WASF3: variants seen among roughly 807,000 people sequenced by gnomAD.
The protein encoded by WASF3 is WASP family member 3, also known as actin-binding protein WASF3.
In WASF3, 11 loss-of-function variants were observed where a neutral mutation model predicts 46.6. That is an observed-to-expected ratio of 0.24 (90% confidence interval 0.15 to 0.39). The LOEUF is 0.39. Ranked by LOEUF, WASF3 falls within the 10% of genes least tolerant of loss-of-function variation. The probability of loss-of-function intolerance (pLI) is 1.00; values close to 1 mark genes in which losing one functional copy is unlikely to be tolerated. For missense variants in WASF3, 576 were observed against 669.8 expected (o/e 0.86, Z 1.55); for synonymous variants, 242 against 259.7 (o/e 0.93, Z 0.65).
chr13:26,674,761 A>AAC (rs764451740), intron 6 of WASF3, among the ~76,000 whole-genome samples: 1 of 152,238 alleles, frequency 6.6e-6, no homozygotes, highest in Non-Finnish European at 1.5e-5. Context: ...TCTTCAGGAT[A>AAC]AATTTCTAGA....
chr13:26,570,168 A>G (rs983776615), intron 1 of WASF3, among the ~76,000 whole-genome samples: 3 of 152,106 alleles, frequency 2.0e-5, no homozygotes, highest in African/African-American at 7.2e-5. Context: ...GGCGCCTGTA[A>G]TTCCAGCTAC....
At chr13:26,675,220 T>C (rs1453307789) in intron 6 of WASF3, among the ~76,000 whole-genome samples, 1 of 152,178 alleles carries the variant, frequency 6.6e-6, no homozygotes, top group African/African-American at 2.4e-5. Context: ...TTTAATGGGT[T>C]CGCATTGCTG....
chr13:26,660,212 T>TGG (rs1882588214), intron 3 of WASF3, among the ~76,000 whole-genome samples: 3 of 131,168 alleles, frequency 2.3e-5, no homozygotes, highest in Non-Finnish European at 4.8e-5. Context: ...TTTTTTTTTT[T>TGG]TTTTTTTTTT....
At chr13:26,559,779 TTTC>T (rs1186485500) in intron 1 of WASF3, among the ~76,000 whole-genome samples, 1 of 133,548 alleles carries the variant, frequency 7.5e-6, no homozygotes, top group African/African-American at 2.7e-5. Context: ...TGAATCTCTT[TTTC>T]TTTTCTTTTC....
chr13:26,580,932 CT>C (rs5802385), intron 1 of WASF3, among the ~76,000 whole-genome samples: 131 of 136,656 alleles, frequency 9.6e-4, no homozygotes, highest in Admixed American at 1.0e-3. Flanking sequence ...GCATAAATTT[CT>C]TTTTTTTTTT....
Position 26,667,739 on chromosome 13 carries a change from C to A in WASF3, c.422+69C>A, listed in dbSNP as rs533722401. The stretch of plus-strand genomic sequence containing the variant: ...AGAGCTGGGCAGAGCTGGGAGCAAG[C>A]TGATGCATTGTGTGGGAATGTCCTT... On this transcript the variant is annotated intron_variant, in intron 5 of 9. Transcript: ENST00000335327. 1.5e-5 allele frequency: 22 copies of A among 1,473,042 alleles called. No homozygotes were observed. In the African/African-American group the frequency reaches 2.8e-4, roughly 19 times the overall value. The allele number at this position is 1,473,042 out of a possible 1,614,324, so 91.2% of individuals were successfully genotyped here.
intron 1 of WASF3, among the ~76,000 whole-genome samples, chr13:26,569,839 A>G (rs1879581542): frequency 6.6e-6 from 1 of 152,240 alleles, no homozygotes; most frequent in African/African-American, 2.4e-5. Context: ...GAAGGCACAG[A>G]TAACAATGTC....
chr13:26,586,379 A>G (rs1476867475), intron 1 of WASF3, among the ~76,000 whole-genome samples: 1 of 152,170 alleles, frequency 6.6e-6, no homozygotes, highest in Admixed American at 6.5e-5. Flanking sequence ...TTGTTATAAT[A>G]GCATTTAACC....
intron 1 of WASF3, among the ~76,000 whole-genome samples, chr13:26,595,958 T>G (rs939231458): frequency 2.6e-5 from 4 of 152,260 alleles, no homozygotes; most frequent in African/African-American, 9.6e-5. Context: ...TGGACATTTG[T>G]GTACAGGTTT....
intron 7 of WASF3, among the ~76,000 whole-genome samples, chr13:26,680,523 C>G (rs1446257751): frequency 6.6e-6 from 1 of 152,194 alleles, no homozygotes; most frequent in Non-Finnish European, 1.5e-5. Context: ...TAGTGCACCG[C>G]ATTGCTTTCT....
chr13:26,630,250 G>C (rs1051270103), intron 2 of WASF3, among the ~76,000 whole-genome samples: 4 of 152,044 alleles, frequency 2.6e-5, no homozygotes, highest in Non-Finnish European at 5.9e-5. Flanking sequence ...ATGTTGGTTT[G>C]CTGCACTCAC....
intron 2 of WASF3, among the ~76,000 whole-genome samples, chr13:26,634,311 CCT>C (rs1294333068): frequency 3.3e-5 from 5 of 152,112 alleles, no homozygotes; most frequent in African/African-American, 7.2e-5. Context: ...GATTGCAACC[CCT>C]GTTTTCTTTG....
intron 1 of WASF3, among the ~76,000 whole-genome samples, chr13:26,565,786 T>G (rs1197244798): frequency 6.6e-6 from 1 of 152,220 alleles, no homozygotes; most frequent in Non-Finnish European, 1.5e-5. Flanking sequence ...CAATTTAGAA[T>G]GGTTACAAAG....
chr13:26,565,982 G>A (rs1186169521), intron 1 of WASF3, among the ~76,000 whole-genome samples: 4 of 152,094 alleles, frequency 2.6e-5, no homozygotes, highest in Non-Finnish European at 5.9e-5. Context: ...TGAAATAATT[G>A]TGTAGGGATT....
intron 3 of WASF3, among the ~76,000 whole-genome samples, chr13:26,662,713 G>A (rs1043890638): frequency 6.6e-6 from 1 of 152,166 alleles, no homozygotes; most frequent in Non-Finnish European, 1.5e-5. Context: ...CACTACCTGG[G>A]TATGGGATCA....
chr13:26,675,650 CTGTG>C (rs35156420), intron 6 of WASF3, among the ~76,000 whole-genome samples: 2 of 146,972 alleles, frequency 1.4e-5, no homozygotes, highest in South Asian at 4.5e-4. Flanking sequence ...GATGCCATGT[CTGTG>C]TGTGTGTGTG....
chr13:26,642,869 T>C (rs933832453), intron 3 of WASF3, among the ~76,000 whole-genome samples: 1 of 152,156 alleles, frequency 6.6e-6, no homozygotes. Context: ...AAATGAACCA[T>C]AGTATAAAGC....
At chr13:26,652,258 GATAAA>G (rs1036826777) in intron 3 of WASF3, among the ~76,000 whole-genome samples, 2 of 152,158 alleles carry the variant, frequency 1.3e-5, no homozygotes, top group African/African-American at 4.8e-5. Context: ...GTGAATGTCA[GATAAA>G]ATAGAATATA....
chr13:26,676,787 AT>A (rs1314415503), intron 7 of WASF3, 63 bp downstream of exon 7: 2 of 1,488,654 alleles, frequency 1.3e-6, no homozygotes, highest in African/African-American at 2.8e-5. Flanking sequence ...ACCTGGTTTT[AT>A]TATCATTTGA....
Sources: gnomAD v4.1 joint callset for allele counts (sites outside exome capture counted in the v4.1 genomes callset) on GRCh38, gnomAD v4.1.1 for gene constraint, MANE v1.5 for transcripts, NCBI Gene and HGNC (gene_info 2026-07-23, HGNC 2026-07-21) for gene names.